LRGUK: variants seen among roughly 807,000 people sequenced by gnomAD.
LRGUK encodes the protein leucine rich repeats and guanylate kinase domain containing.
Under a neutral mutation model 76.0 loss-of-function variants are expected in LRGUK, and 65 were observed. The observed-to-expected ratio is 0.85, with a 90% CI of 0.70 to 1.05. The LOEUF (loss-of-function observed/expected upper bound fraction) is 1.05, where lower values mean the gene tolerates loss of function less well. Among genes scored for constraint, LRGUK ranks in the 50% least tolerant of loss-of-function variants. The probability of loss-of-function intolerance (pLI) is 0.00; values close to 1 mark genes in which losing one functional copy is unlikely to be tolerated. For missense variants in LRGUK, 758 were observed against 732.8 expected (o/e 1.03, Z -0.40); for synonymous variants, 268 against 265.6 (o/e 1.01, Z -0.09).
intron 7 of LRGUK, among the ~76,000 whole-genome samples, chr7:134,165,593 T>C (rs1201011830): frequency 6.6e-6 from 1 of 152,228 alleles, no homozygotes; most frequent in Non-Finnish European, 1.5e-5. Context: ...CTTAACCCAG[T>C]AGATCCAAAA....
At position 134,209,025 on chromosome 7, in the gene LRGUK, T is replaced by TC; in HGVS notation, c.2164dup (p.Gln722ProfsTer13). On this transcript the variant is annotated frameshift_variant, in exon 16 of 16. Coordinates refer to ENST00000645682, the Ensembl canonical transcript of LRGUK. LOFTEE classifies it low-confidence loss of function (END_TRUNC). ...TCCCTAAACCCAACGGAAGAGGATG[T>TC]CCAACAATCAGATCTTCCCCTAAAA... 1 of 399,172 alleles carries TC rather than the reference T, an allele frequency of 2.5e-6. No homozygotes were observed. The highest frequency in any genetic ancestry group is 4.4e-6 in the Non-Finnish European group (1 of 226,214). 24.7% of individuals were successfully genotyped at this position (399,172 alleles called of 1,614,324 possible). A position where few individuals can be genotyped will look rare whatever the true frequency, so the allele number is the denominator to read the frequency against.
At chr7:134,209,381 G>C (rs1030231902) in exon 16 of LRGUK, 2 of 398,986 alleles carry the variant, frequency 5.0e-6, no homozygotes, top group Non-Finnish European at 8.8e-6. Flanking sequence ...ACTTGCTGGC[G>C]ATTCTCAGCA....
chr7:134,196,394 T>C (rs966907429), intron 12 of LRGUK, among the ~76,000 whole-genome samples: 1 of 152,038 alleles, frequency 6.6e-6, no homozygotes, highest in Admixed American at 6.5e-5. Context: ...CAAATGGCTA[T>C]AGGGCAGACA....
downstream of LRGUK, among the ~76,000 whole-genome samples, chr7:134,268,399 A>C (rs745346178): frequency 6.6e-6 from 1 of 152,192 alleles, no homozygotes; most frequent in Non-Finnish European, 1.5e-5. Flanking sequence ...TAAAAAACAC[A>C]AACTCCCATA....
At chr7:134,272,851 A>G in the LRGUK span, among the ~76,000 whole-genome samples, 3 of 152,202 alleles carry the variant, frequency 2.0e-5, no homozygotes, top group Admixed American at 2.0e-4. Flanking sequence ...AGTGCAATCC[A>G]AAGTGAAAGA....
At chr7:134,209,239 A>T (rs1450589777) in exon 16 of LRGUK, 1 of 398,994 alleles carries the variant, frequency 2.5e-6, no homozygotes, top group East Asian at 3.6e-5. Flanking sequence ...CTGAACCTCT[A>T]CAGGGACCTG....
intron 18 of LRGUK, among the ~76,000 whole-genome samples, chr7:134,252,188 AG>A (rs947277589): frequency 6.6e-6 from 1 of 151,580 alleles, no homozygotes; most frequent in African/African-American, 2.4e-5. Context: ...AAAAAAAAAA[AG>A]TAGCTGGGAA....
chr7:134,179,650 G>T (rs891367518), intron 10 of LRGUK, among the ~76,000 whole-genome samples: 1 of 152,160 alleles, frequency 6.6e-6, no homozygotes, highest in Non-Finnish European at 1.5e-5. Flanking sequence ...ATTGCTAGTT[G>T]TTTCATGCTT....
At chr7:134,215,631 C>T (rs1311993978) in intron 15 of LRGUK, among the ~76,000 whole-genome samples, 1 of 152,048 alleles carries the variant, frequency 6.6e-6, no homozygotes, top group Non-Finnish European at 1.5e-5. Context: ...TGAGAACAAT[C>T]TTGATCAGCT....
chr7:134,208,856 G>A (rs941247768), exon 16 of LRGUK: 2 of 398,952 alleles, frequency 5.0e-6, no homozygotes, highest in Non-Finnish European at 8.8e-6. Context: ...AAATCAGAGC[G>A]TAACTCCTGC....
intron 5 of LRGUK, among the ~76,000 whole-genome samples, chr7:134,150,309 A>C (rs1008003566): frequency 1.3e-5 from 2 of 151,844 alleles, no homozygotes; most frequent in South Asian, 2.1e-4. Context: ...AAACAAAAAA[A>C]AAATTAGCTG....
At chr7:134,133,768 T>C (rs962989644) in intron 1 of LRGUK, among the ~76,000 whole-genome samples, 1 of 152,026 alleles carries the variant, frequency 6.6e-6, no homozygotes, top group African/African-American at 2.4e-5. Flanking sequence ...GAAATTGAAA[T>C]TGCGTATGGG....
At chr7:134,160,130 C>A (rs1372296532) in intron 6 of LRGUK, among the ~76,000 whole-genome samples, 1 of 152,108 alleles carries the variant, frequency 6.6e-6, no homozygotes, top group Non-Finnish European at 1.5e-5. Flanking sequence ...TGTTCCCATT[C>A]ATTTAAAGTG....
intron 15 of LRGUK, 47 bp from the exon 16 acceptor site, chr7:134,221,731 AT>A (rs1247097274): frequency 7.2e-7 from 1 of 1,392,282 alleles, no homozygotes; most frequent in Non-Finnish European, 9.4e-7. Context: ...CACTTCAGAA[AT>A]TTCCTTTATG....
intron 16 of LRGUK, 123 bp from the exon 17 acceptor site, chr7:134,247,432 CT>C (rs1802331850): frequency 2.6e-5 from 15 of 576,874 alleles, no homozygotes; most frequent in South Asian, 1.0e-4. Context: ...TTTTTTATGC[CT>C]TTTCCCCCTT....
intron 19 of LRGUK, among the ~76,000 whole-genome samples, chr7:134,262,895 C>A (rs773297765): frequency 1.4e-5 from 2 of 146,174 alleles, no homozygotes; most frequent in Non-Finnish European, 3.0e-5. Flanking sequence ...CATTTGAACC[C>A]GGGAGGTGGA....
chr7:134,169,838 A>G, intron 7 of LRGUK, among the ~76,000 whole-genome samples: 1 of 152,130 alleles, frequency 6.6e-6, no homozygotes. Flanking sequence ...TTATTTATAA[A>G]TCTTTAAGTG....
chr7:134,203,715 G>A (rs1563181052), intron 15 of LRGUK, among the ~76,000 whole-genome samples: 1 of 152,166 alleles, frequency 6.6e-6, no homozygotes, highest in East Asian at 1.9e-4. Flanking sequence ...AGTGGGGATT[G>A]GGGAACATTA....
chr7:134,212,016 A>T (rs951394040), downstream of LRGUK, among the ~76,000 whole-genome samples: 2 of 152,228 alleles, frequency 1.3e-5, no homozygotes, highest in Non-Finnish European at 2.9e-5. Context: ...TTTGGACTAC[A>T]GATGACTCTA....
Sources: allele counts gnomAD v4.1 joint callset (sites outside exome capture counted in the v4.1 genomes callset), GRCh38; gene constraint gnomAD v4.1.1; transcripts MANE v1.5; gene names NCBI Gene and HGNC (gene_info 2026-07-23, HGNC 2026-07-21).